The following COL23A1 variants were observed in gnomAD, a reference collection of about 807,000 sequenced individuals.
COL23A1 encodes the protein collagen alpha-1(XXIII) chain.
A neutral mutation model predicts 99.3 loss-of-function variants in COL23A1; 97 were observed. The observed-to-expected ratio is 0.98, with a 90% CI of 0.83 to 1.16. The LOEUF is 1.16. COL23A1 is among the 50% of genes most tolerant of loss of function. The pLI is 0.00. For synonymous variants in COL23A1, 320 were observed against 308.2 expected (o/e 1.04, Z -0.40); for missense variants, 762 against 757.4 (o/e 1.01, Z -0.07).
chr5:178,291,101 G>A (rs1047096687), intron 3 of COL23A1, among the ~76,000 whole-genome samples: 6 of 152,166 alleles, frequency 3.9e-5, no homozygotes, highest in Non-Finnish European at 8.8e-5. Flanking sequence ...CGTTGATTAT[G>A]GTGGAGTGAG....
At chr5:178,354,652 G>A (rs1341554106) in intron 2 of COL23A1, among the ~76,000 whole-genome samples, 1 of 152,158 alleles carries the variant, frequency 6.6e-6, no homozygotes, top group East Asian at 1.9e-4. Flanking sequence ...GTGAAGATGT[G>A]CCTGCTTCCC....
At position 178,505,898 on chromosome 5, in the gene COL23A1, C is replaced by T. The variant is rs141153123; in HGVS notation, c.361+54784G>A. ...AGCCTGTCAGTGAGGGTGCAAACACCTTCTGAGACAGCAGACCCCAAGGAG... is the reference window on the plus strand; with the variant it reads ...AGCCTGTCAGTGAGGGTGCAAACACTTTCTGAGACAGCAGACCCCAAGGAG... On this transcript the variant is annotated intron_variant, in intron 2 of 28. Coordinates refer to ENST00000390654, the MANE Select transcript of COL23A1 (RefSeq NM_173465.4). Among the ~76,000 whole-genome samples the T allele has an allele frequency of 2.1e-3, 326 of 152,170 alleles. 1 individual carries two copies. Among genetic ancestry groups the T allele is most frequent in the Non-Finnish European group, 3.6e-3 (244 of 68,016 alleles).
intron 1 of COL23A1, among the ~76,000 whole-genome samples, chr5:178,563,420 A>G (rs1318541784): frequency 6.6e-6 from 1 of 150,500 alleles, no homozygotes; most frequent in African/African-American, 2.5e-5. Context: ...GGAGTCCATG[A>G]GGGGCTGAGG....
At chr5:178,392,631 C>A (rs978709209) in intron 2 of COL23A1, among the ~76,000 whole-genome samples, 2 of 152,196 alleles carry the variant, frequency 1.3e-5, no homozygotes, top group African/African-American at 4.8e-5. Flanking sequence ...CAGGGTCCAG[C>A]GGACAATGGT....
At chr5:178,400,325 C>T (rs1764373554) in intron 2 of COL23A1, among the ~76,000 whole-genome samples, 2 of 142,050 alleles carry the variant, frequency 1.4e-5, no homozygotes, top group South Asian at 4.5e-4. Flanking sequence ...CGAGATCGCG[C>T]CACTGCACTC....
intron 2 of COL23A1, among the ~76,000 whole-genome samples, chr5:178,532,919 A>AC (rs1431979495): frequency 6.6e-6 from 1 of 152,026 alleles, no homozygotes; most frequent in Non-Finnish European, 1.5e-5. Flanking sequence ...CTGATCACAG[A>AC]CCCCCAGCCT....
intron 2 of COL23A1, among the ~76,000 whole-genome samples, chr5:178,505,674 G>T (rs528271946): frequency 2.0e-5 from 3 of 152,134 alleles, no homozygotes; most frequent in Non-Finnish European, 2.9e-5. Context: ...GCAGGTACCA[G>T]AAGTTAGGAC....
intron 2 of COL23A1, among the ~76,000 whole-genome samples, chr5:178,412,215 C>T (rs578106255): frequency 1.3e-5 from 2 of 152,300 alleles, no homozygotes; most frequent in African/African-American, 4.8e-5. Flanking sequence ...ACAATGTGAT[C>T]TCTATGATAT....
intron 11 of COL23A1, among the ~76,000 whole-genome samples, chr5:178,259,993 C>T (rs1765539433): frequency 6.6e-6 from 1 of 152,208 alleles, no homozygotes; most frequent in Non-Finnish European, 1.5e-5. Flanking sequence ...GTGACTCCTG[C>T]CGTCTCAGAG....
intron 2 of COL23A1, among the ~76,000 whole-genome samples, chr5:178,432,022 C>T (rs553886816): frequency 2.6e-5 from 4 of 152,278 alleles, no homozygotes; most frequent in Admixed American, 6.5e-5. Flanking sequence ...AGTTCTGATG[C>T]GAAATCTAAG....
chr5:178,397,924 C>G (rs973055820), intron 2 of COL23A1, among the ~76,000 whole-genome samples: 50 of 152,170 alleles, frequency 3.3e-4, no homozygotes, highest in African/African-American at 1.2e-3. Flanking sequence ...GAGGCAGAGG[C>G]TGCAGTGAGC....
At chr5:178,437,733 G>A (rs1057144570) in intron 2 of COL23A1, among the ~76,000 whole-genome samples, 1 of 152,152 alleles carries the variant, frequency 6.6e-6, no homozygotes, top group African/African-American at 2.4e-5. Context: ...CCCCTCTGTG[G>A]CCAGACCTAC....
intron 2 of COL23A1, among the ~76,000 whole-genome samples, chr5:178,333,695 C>T (rs1300273895): frequency 7.2e-5 from 11 of 152,140 alleles, no homozygotes; most frequent in African/African-American, 2.4e-4. Context: ...TGCCCCCAGG[C>T]CGGGCCTGGG....
chr5:178,583,732 G>C (rs1763776603), intron 1 of COL23A1, among the ~76,000 whole-genome samples: 1 of 152,210 alleles, frequency 6.6e-6, no homozygotes, highest in South Asian at 2.1e-4. Flanking sequence ...TTTATGGGGA[G>C]AGTGAGGGCA....
chr5:178,349,422 T>C (rs1039340575), intron 2 of COL23A1, among the ~76,000 whole-genome samples: 2 of 152,162 alleles, frequency 1.3e-5, no homozygotes, highest in Non-Finnish European at 2.9e-5. Context: ...GCTTCCTTTC[T>C]CACTTTATTA....
chr5:178,404,690 G>C (rs1432398367), intron 2 of COL23A1, among the ~76,000 whole-genome samples: 1 of 152,156 alleles, frequency 6.6e-6, no homozygotes, highest in Non-Finnish European at 1.5e-5. Flanking sequence ...AAGACCATGT[G>C]TGATAACCAG....
At chr5:178,411,132 T>C (rs1385732970) in intron 2 of COL23A1, among the ~76,000 whole-genome samples, 2 of 149,928 alleles carry the variant, frequency 1.3e-5, no homozygotes, top group Admixed American at 1.3e-4. Flanking sequence ...CCAACAACAA[T>C]AACAACCCAG....
At chr5:178,312,995 C>A (rs956958614) in intron 2 of COL23A1, among the ~76,000 whole-genome samples, 3 of 152,204 alleles carry the variant, frequency 2.0e-5, no homozygotes, top group Admixed American at 2.0e-4. Flanking sequence ...ACTGATACAG[C>A]GGGACGTGAG....
At chr5:178,338,094 T>TCC (rs1185132266) in intron 2 of COL23A1, among the ~76,000 whole-genome samples, 1 of 152,012 alleles carries the variant, frequency 6.6e-6, no homozygotes, top group Non-Finnish European at 1.5e-5. Context: ...GTCTTGGGAG[T>TCC]ATGGGCAGGG....
Sources: gnomAD v4.1 joint callset for allele counts (sites outside exome capture counted in the v4.1 genomes callset) on GRCh38, gnomAD v4.1.1 for gene constraint, MANE v1.5 for transcripts, NCBI Gene and HGNC (gene_info 2026-07-23, HGNC 2026-07-21) for gene names.